Variants in CABIN1 observed in about 807,000 individuals in gnomAD.
The protein encoded by CABIN1 is calcineurin binding protein 1.
CABIN1 carries 133 observed loss-of-function variants against 227.7 expected under a neutral mutation model. The observed-to-expected ratio is 0.58, with a 90% CI of 0.51 to 0.67. The LOEUF is 0.67. Ranked by LOEUF, CABIN1 falls within the 30% of genes least tolerant of loss-of-function variation. The pLI is 0.00. For missense variants in CABIN1, 2,408 were observed against 2,852.5 expected (o/e 0.84, Z 3.55); for synonymous variants, 1,086 against 1,155.1 (o/e 0.94, Z 1.21).
At chr22:24,012,767 G>T (rs188046775) in intron 1 of CABIN1, among the ~76,000 whole-genome samples, 151,880 of 152,058 alleles carry the variant, frequency 1, 75,852 homozygotes, top group East Asian at 1. Flanking sequence ...AATAGCTTTT[G>T]TGTGTGTGTG....
intron 26 of CABIN1, among the ~76,000 whole-genome samples, chr22:24,108,821 A>G (rs2042655241): frequency 6.6e-6 from 1 of 152,154 alleles, no homozygotes; most frequent in Non-Finnish European, 1.5e-5. Context: ...CCCCCCATCT[A>G]CATGGTGCTG....
At chr22:24,164,305 G>T in intron 29 of CABIN1, 95 bp from the exon 30 acceptor site, 1 of 1,503,520 alleles carries the variant, frequency 6.7e-7, no homozygotes, top group Non-Finnish European at 9.1e-7. Context: ...GTCCCCTTTG[G>T]CACTGTGGCA....
At chr22:24,122,126 T>C (rs2043451584) in intron 28 of CABIN1, among the ~76,000 whole-genome samples, 3 of 136,620 alleles carry the variant, frequency 2.2e-5, no homozygotes, top group Non-Finnish European at 4.6e-5. Flanking sequence ...TATAAAGTGC[T>C]TAGCTCAGCA....
At chr22:24,030,518 A>G (rs989201136) in intron 1 of CABIN1, among the ~76,000 whole-genome samples, 1 of 152,214 alleles carries the variant, frequency 6.6e-6, no homozygotes, top group Non-Finnish European at 1.5e-5. Context: ...CTGTTTTTAG[A>G]TTATGTTAAA....
chr22:24,042,599 T>A (rs5751797), intron 5 of CABIN1, among the ~76,000 whole-genome samples: 41,729 of 151,850 alleles, frequency 0.27, 6,960 homozygotes, highest in African/African-American at 0.47. Flanking sequence ...AAAATTTTTT[T>A]AAAAAATTCT....
chr22:24,028,715 C>T (rs1025458161), intron 1 of CABIN1, among the ~76,000 whole-genome samples: 1 of 152,220 alleles, frequency 6.6e-6, no homozygotes, highest in Non-Finnish European at 1.5e-5. Flanking sequence ...ACTTTGTTTT[C>T]TGCTTGACTT....
At chr22:24,105,617 A>T (rs1302579844) in intron 26 of CABIN1, among the ~76,000 whole-genome samples, 1 of 152,114 alleles carries the variant, frequency 6.6e-6, no homozygotes, top group African/African-American at 2.4e-5. Flanking sequence ...TGGAGGTTCC[A>T]TCCAGGGTGC....
intron 29 of CABIN1, among the ~76,000 whole-genome samples, chr22:24,148,654 C>T (rs756170936): frequency 2.0e-5 from 3 of 152,200 alleles, no homozygotes; most frequent in Non-Finnish European, 4.4e-5. Context: ...AAAGGTGGGC[C>T]AGTTGGATGA....
At chr22:24,150,329 G>C (rs1388255699) in intron 29 of CABIN1, among the ~76,000 whole-genome samples, 1 of 152,208 alleles carries the variant, frequency 6.6e-6, no homozygotes, top group East Asian at 1.9e-4. Context: ...CTGGAGGCCT[G>C]CGCTGACCTT....
In CABIN1 at chr22:24,082,966, G is replaced by A. The variant is rs556745624; in HGVS notation, c.2749-262G>A. Among the ~76,000 whole-genome samples, 10 of 152,346 alleles carry A rather than the reference G, an allele frequency of 6.6e-5. No homozygotes were observed. The East Asian group carries it at 9.6e-4, about 15-fold the overall frequency. On this transcript the variant is annotated intron_variant, in intron 19 of 36. Transcript: ENST00000263119. ...GGTGGCTGGTAGAAATTGGCTAGGTGTGCTGAAAGAAAGGCAGCTTGGTAA... is the reference window on the plus strand; with the variant it reads ...GGTGGCTGGTAGAAATTGGCTAGGTATGCTGAAAGAAAGGCAGCTTGGTAA...
chr22:24,141,062 G>T (rs988783603), intron 29 of CABIN1, among the ~76,000 whole-genome samples: 2 of 152,190 alleles, frequency 1.3e-5, no homozygotes, highest in African/African-American at 4.8e-5. Context: ...TCACCCTTAG[G>T]TCTGGAGATG....
chr22:24,104,816 C>T (rs932675433), intron 26 of CABIN1, among the ~76,000 whole-genome samples: 10 of 152,180 alleles, frequency 6.6e-5, no homozygotes, highest in African/African-American at 1.7e-4. Context: ...CCCAAGTTTA[C>T]GGTTCTTAGA....
intron 22 of CABIN1, 85 bp downstream of exon 22, chr22:24,085,236 T>G (rs2041075348): frequency 2.1e-6 from 3 of 1,454,888 alleles, no homozygotes; most frequent in Non-Finnish European, 2.9e-6. Context: ...TGGGCCACTT[T>G]GGGGTTTCCC....
At chr22:24,102,035 G>C (rs148117985) in intron 26 of CABIN1, among the ~76,000 whole-genome samples, 53 of 152,306 alleles carry the variant, frequency 3.5e-4, no homozygotes, top group Non-Finnish European at 6.0e-4. Context: ...AGGAACCTGA[G>C]CTGAGGGCAG....
intron 26 of CABIN1, among the ~76,000 whole-genome samples, chr22:24,099,509 A>C (rs2042086041): frequency 6.6e-6 from 1 of 152,006 alleles, no homozygotes; most frequent in Non-Finnish European, 1.5e-5. Context: ...CCAGAGTGTT[A>C]AGCAGAGATG....
At chr22:24,151,023 CAG>C (rs765989435) in intron 29 of CABIN1, among the ~76,000 whole-genome samples, 2 of 152,142 alleles carry the variant, frequency 1.3e-5, no homozygotes, top group Non-Finnish European at 2.9e-5. Flanking sequence ...TGAGGCAACA[CAG>C]GGGATTGAAG....
chr22:24,170,426 C>T (rs1348758353), intron 33 of CABIN1, among the ~76,000 whole-genome samples: 3 of 152,220 alleles, frequency 2.0e-5, no homozygotes, highest in Admixed American at 6.5e-5. Flanking sequence ...GGCTGAGGCC[C>T]GCTCCTGAGC....
intron 16 of CABIN1, 43 bp from the exon 17 acceptor site, chr22:24,070,757 G>T (rs952769211): frequency 6.2e-7 from 1 of 1,613,776 alleles, no homozygotes; most frequent in Admixed American, 1.7e-5. Flanking sequence ...GCCCAGATGT[G>T]CTGAGCTCAC....
At chr22:24,130,958 T>C (rs1451568697) in intron 28 of CABIN1, among the ~76,000 whole-genome samples, 1 of 152,206 alleles carries the variant, frequency 6.6e-6, no homozygotes, top group Non-Finnish European at 1.5e-5. Flanking sequence ...GCCTTCTCCC[T>C]TTCTGCTCCA....
Sources: gnomAD v4.1 joint callset for allele counts (sites outside exome capture counted in the v4.1 genomes callset) on GRCh38, gnomAD v4.1.1 for gene constraint, MANE v1.5 for transcripts, NCBI Gene and HGNC (gene_info 2026-07-23, HGNC 2026-07-21) for gene names.